SEMA3D: variants seen among roughly 807,000 people sequenced by gnomAD.
The protein encoded by SEMA3D is semaphorin 3D.
A neutral mutation model predicts 100.1 loss-of-function variants in SEMA3D; 84 were observed. The ratio of observed to expected loss-of-function variants is 0.84; its 90% CI spans 0.70 to 1.01. The LOEUF (loss-of-function observed/expected upper bound fraction) is 1.01. Ranked by LOEUF, SEMA3D falls within the 50% of genes least tolerant of loss-of-function variation. The probability of loss-of-function intolerance (pLI) is 0.00; values close to 1 mark genes in which losing one functional copy is unlikely to be tolerated. For synonymous variants in SEMA3D, 312 were observed against 320.7 expected (o/e 0.97, Z 0.29); for missense variants, 875 against 934.1 (o/e 0.94, Z 0.82).
rs1789425324 is a variant in SEMA3D at position 85,121,867 on chromosome 7, G to A, written c.25C>T (p.Leu9Phe). Residue 9 changes from leucine (L) to phenylalanine (F), a missense_variant, in exon 3 of 19, where the codon CTT becomes TTT. Physicochemically the swap from Leu to Phe is conservative, Grantham distance 22 (BLOSUM62 0). Transcript: ENST00000284136. MNANKDER[L>F]KARSQDFHLF... ...TGAAAATCTTGGCTTCTGGCTTTAA[G>A]TCTTTCATCTTTATTAGCATTCATG... 1.3e-6 allele frequency: 2 copies of A among 1,591,024 alleles called. No individual in the cohort carries two copies. The highest frequency in any genetic ancestry group is 1.7e-5 in the Admixed American group (1 of 59,022).
intron 5 of SEMA3D, among the ~76,000 whole-genome samples, chr7:85,076,038 C>G (rs570946206): frequency 6.6e-6 from 1 of 152,096 alleles, no homozygotes; most frequent in Non-Finnish European, 1.5e-5. Flanking sequence ...CTGTGAGGCA[C>G]GAAGAAAGAT....
At chr7:85,045,091 A>C (rs774951426) in intron 9 of SEMA3D, among the ~76,000 whole-genome samples, 1 of 152,068 alleles carries the variant, frequency 6.6e-6, no homozygotes, top group Non-Finnish European at 1.5e-5. Flanking sequence ...AGTTGGGTTT[A>C]ATGTTAACTT....
At chr7:85,156,787 A>C (rs1790609792) in intron 1 of SEMA3D, among the ~76,000 whole-genome samples, 1 of 152,228 alleles carries the variant, frequency 6.6e-6, no homozygotes, top group East Asian at 1.9e-4. Context: ...GTTTACCAAA[A>C]ACACCACAAA....
chr7:85,196,874 T>G, the SEMA3D span, among the ~76,000 whole-genome samples: 167 of 152,276 alleles, frequency 1.1e-3, no homozygotes, highest in Non-Finnish European at 2.0e-3. Flanking sequence ...AGAATTCTCA[T>G]GTACTGTGGG....
chr7:85,113,597 G>A (rs1562822942), intron 3 of SEMA3D, among the ~76,000 whole-genome samples: 2 of 96,006 alleles, frequency 2.1e-5, no homozygotes, highest in Admixed American at 9.5e-5. Flanking sequence ...ATGGTAAAAC[G>A]CCATCTCTAC....
intron 1 of SEMA3D, chr7:85,160,054 C>T: frequency 2.1e-6 from 2 of 938,590 alleles, no homozygotes; most frequent in Non-Finnish European, 2.5e-6. Context: ...TTTTATTGAA[C>T]TGCAAACAGT....
intron 2 of SEMA3D, among the ~76,000 whole-genome samples, chr7:85,138,098 C>T (rs1789915898): frequency 6.6e-6 from 1 of 151,932 alleles, no homozygotes; most frequent in African/African-American, 2.4e-5. Context: ...TTCAGATAGC[C>T]CATAGAAGCT....
rs1047567618 is a variant in SEMA3D, at chr7:85,140,230, A to G, written c.-41+13378T>C. The stretch of plus-strand genomic sequence containing the variant: ...ATAAAAATGTTTTATTTTACTCAAT[A>G]TAAAATAATAATTCATTTATTAAAT... On this transcript the variant is annotated intron_variant, in intron 2 of 18. Transcript: ENST00000284136. 5 of 714,776 alleles carry G rather than the reference A, an allele frequency of 7.0e-6. No individual in the cohort carries two copies. The South Asian group carries it at 1.9e-4, about 27-fold the overall frequency. The allele number at this position is 714,776 out of a possible 1,614,324, so 44.3% of individuals were successfully genotyped here.
intron 1 of SEMA3D, among the ~76,000 whole-genome samples, chr7:85,168,278 T>C (rs1331263772): frequency 1.3e-5 from 2 of 151,886 alleles, no homozygotes; most frequent in Non-Finnish European, 2.9e-5. Context: ...GAAAGTTTCA[T>C]CCTTTCTACA....
chr7:85,090,568 T>C (rs2116278835), intron 4 of SEMA3D, among the ~76,000 whole-genome samples: 1 of 152,328 alleles, frequency 6.6e-6, no homozygotes, highest in South Asian at 2.1e-4. Context: ...GATTTTGTTT[T>C]ACAAATAATT....
At chr7:85,142,863 C>A (rs1352222653) in intron 2 of SEMA3D, 2 of 984,736 alleles carry the variant, frequency 2.0e-6, no homozygotes, top group African/African-American at 1.7e-5. Flanking sequence ...TTTTTCTTTT[C>A]TGAATATGTC....
chr7:85,161,355 T>C (rs1052289970), intron 1 of SEMA3D, among the ~76,000 whole-genome samples: 2 of 148,932 alleles, frequency 1.3e-5, no homozygotes, highest in African/African-American at 4.8e-5. Flanking sequence ...ACTCACATAA[T>C]TAGCAATAGG....
the SEMA3D span, among the ~76,000 whole-genome samples, chr7:85,192,506 T>A: frequency 6.6e-6 from 1 of 152,044 alleles, no homozygotes; most frequent in Admixed American, 6.6e-5. Context: ...ATTTAGCAAG[T>A]TACTACCGAA....
At chr7:85,022,721 T>C (rs1476267813) in intron 12 of SEMA3D, 108 bp from the exon 13 acceptor site, 2 of 715,048 alleles carry the variant, frequency 2.8e-6, no homozygotes, top group African/African-American at 1.8e-5. Flanking sequence ...ATTAAATGAA[T>C]GGACAACAGA....
chr7:85,184,631 C>A (rs1357390011), intron 1 of SEMA3D, among the ~76,000 whole-genome samples: 1 of 152,206 alleles, frequency 6.6e-6, no homozygotes, highest in Non-Finnish European at 1.5e-5. Flanking sequence ...CTTCCCTTCT[C>A]TAGGAACTTT....
At chr7:85,231,115 T>C in the SEMA3D span, among the ~76,000 whole-genome samples, 2 of 152,318 alleles carry the variant, frequency 1.3e-5, no homozygotes. Context: ...TTATTTTTCA[T>C]TTGTGTCTTC....
At chr7:85,086,137 G>C (rs1788204525) in intron 4 of SEMA3D, among the ~76,000 whole-genome samples, 1 of 152,098 alleles carries the variant, frequency 6.6e-6, no homozygotes, top group South Asian at 2.1e-4. Flanking sequence ...ACACAATGCT[G>C]CCAAGGTTTA....
the SEMA3D span, among the ~76,000 whole-genome samples, chr7:85,250,193 C>A: frequency 1.3e-5 from 2 of 151,194 alleles, no homozygotes; most frequent in East Asian, 2.0e-4. Flanking sequence ...GAGATTATAA[C>A]CCGCACCTGG....
chr7:85,063,725 T>A (rs546889011), intron 8 of SEMA3D, among the ~76,000 whole-genome samples: 3 of 152,200 alleles, frequency 2.0e-5, no homozygotes, highest in African/African-American at 7.2e-5. Flanking sequence ...TTAAAAAACA[T>A]GCTATTGTTT....
Sources: allele counts gnomAD v4.1 joint callset (sites outside exome capture counted in the v4.1 genomes callset), GRCh38; gene constraint gnomAD v4.1.1; transcripts MANE v1.5; gene names NCBI Gene and HGNC (gene_info 2026-07-23, HGNC 2026-07-21).